Variants in CWC27 observed in about 807,000 individuals in gnomAD.
CWC27 encodes the protein CWC27 spliceosome associated cyclophilin.
In CWC27, 47 loss-of-function variants were observed where a neutral mutation model predicts 63.6. That is an observed-to-expected ratio of 0.74 (90% CI 0.58 to 0.94). CWC27 has a LOEUF of 0.94. Ranked by LOEUF, CWC27 falls within the 40% of genes least tolerant of loss-of-function variation. The pLI, the probability that CWC27 is intolerant of heterozygous loss-of-function variation, is 0.00. For synonymous variants in CWC27, 175 were observed against 179.8 expected (o/e 0.97, Z 0.22); for missense variants, 495 against 554.3 (o/e 0.89, Z 1.07).
chr5:64,834,934 C>T (rs1347206206), intron 10 of CWC27, among the ~76,000 whole-genome samples: 1 of 151,674 alleles, frequency 6.6e-6, no homozygotes, highest in Non-Finnish European at 1.5e-5. Context: ...CTGGGTCCTA[C>T]CGCCAAAACA....
At position 65,004,861 on chromosome 5, in the gene CWC27, CATATAT is replaced by C. The variant is rs1170127729; in HGVS notation, c.1257-13258_1257-13253del. Among the ~76,000 whole-genome samples the C allele has an allele frequency of 7.8e-3, 355 of 45,434 alleles. 7 individuals carry two copies. The highest frequency in any genetic ancestry group is 0.046 in the Admixed American group (115 of 2,490). 29.8% of individuals were successfully genotyped at this position (45,434 alleles called of 152,430 possible). On this transcript the variant is annotated intron_variant, in intron 13 of 13. Coordinates refer to ENST00000381070, the MANE Select transcript of CWC27 (RefSeq NM_005869.4). ...TGGCCTTCAGAGGGAAAGACTTTTTCATATATATATATATATATATATATATATATA... is the reference window on the plus strand; with the variant it reads ...TGGCCTTCAGAGGGAAAGACTTTTTCATATATATATATATATATATATATA...
intron 10 of CWC27, among the ~76,000 whole-genome samples, chr5:64,852,433 G>C (rs959148895): frequency 1.3e-5 from 2 of 151,980 alleles, no homozygotes; most frequent in Non-Finnish European, 2.9e-5. Flanking sequence ...AGGGACAAAA[G>C]AGCCAAACAG....
chr5:64,884,519 C>A (rs1747019813), intron 10 of CWC27, among the ~76,000 whole-genome samples: 1 of 152,208 alleles, frequency 6.6e-6, no homozygotes, highest in Non-Finnish European at 1.5e-5. Context: ...ATTATCTAGA[C>A]TTCAGATTCC....
At chr5:64,944,503 T>A (rs1748549205) in intron 11 of CWC27, among the ~76,000 whole-genome samples, 2 of 152,226 alleles carry the variant, frequency 1.3e-5, no homozygotes, top group South Asian at 4.1e-4. Flanking sequence ...GATTTACATA[T>A]CATCTATTGC....
intron 10 of CWC27, among the ~76,000 whole-genome samples, chr5:64,840,944 G>A (rs1422296597): frequency 6.6e-6 from 1 of 152,174 alleles, no homozygotes; most frequent in Non-Finnish European, 1.5e-5. Flanking sequence ...TGTGAAGGTA[G>A]AAAAGCATGC....
Position 64,939,895 on chromosome 5 carries a change from T to C in CWC27, c.1043-31808T>C, listed in dbSNP as rs1036963729. Reference sequence around the variant, plus strand: ...CTGGGCTCCGCCCAGTACTAACTTCTGGTCGGCTTTGTTTACACTGTGAGG... The same window carrying C: ...CTGGGCTCCGCCCAGTACTAACTTCCGGTCGGCTTTGTTTACACTGTGAGG... On this transcript the variant is annotated intron_variant, in intron 11 of 13. Coordinates refer to ENST00000381070, the MANE Select transcript of CWC27 (RefSeq NM_005869.4). 3.9e-5 allele frequency among the ~76,000 whole-genome samples: 6 copies of C among 152,196 alleles called. No homozygotes were observed. The South Asian group carries it at 8.3e-4, about 21-fold the overall frequency.
In CWC27 at chr5:64,960,013, A is replaced by G. The variant is rs186536997; in HGVS notation, c.1043-11690A>G. ...AATTAAGGAGAATCGAGAAAAAGCCATAAGGGATTCTTCCTAGGTAGAACT... is the reference window on the plus strand; with the variant it reads ...AATTAAGGAGAATCGAGAAAAAGCCGTAAGGGATTCTTCCTAGGTAGAACT... On this transcript the variant is annotated intron_variant, in intron 11 of 13. Transcript: ENST00000381070. 2.5e-3 allele frequency among the ~76,000 whole-genome samples: 375 copies of G among 152,322 alleles called. 3 individuals are homozygous for G. Among genetic ancestry groups the G allele is most frequent in the African/African-American group, 8.6e-3 (358 of 41,592 alleles).
At chr5:64,839,715 A>G (rs1184657129) in intron 10 of CWC27, among the ~76,000 whole-genome samples, 1 of 152,160 alleles carries the variant, frequency 6.6e-6, no homozygotes, top group East Asian at 1.9e-4. Context: ...ATTTTTGAGT[A>G]CTATCTTAAT....
At chr5:64,775,135 G>A (rs1459190) in intron 2 of CWC27, among the ~76,000 whole-genome samples, 89,212 of 151,974 alleles carry the variant, frequency 0.59, 26,958 homozygotes, top group East Asian at 0.86. Context: ...TGTTACTTCA[G>A]TCCAAATGAC....
At position 65,018,373 on chromosome 5, in the gene CWC27, T is replaced by C; in HGVS notation, c.*52T>C. 1.4e-6 allele frequency: 2 copies of C among 1,466,570 alleles called. No individual in the cohort carries two copies. The highest frequency in any genetic ancestry group is 2.5e-4 in the Middle Eastern group (1 of 4,026). 90.8% of individuals were successfully genotyped at this position (1,466,570 alleles called of 1,614,324 possible). ...GCTGGAAATGTGCCTACAATGGCCT[T>C]GTAACAGCCATTGTTCCCAACAGCA... is the stretch of plus-strand genomic sequence containing the variant. On this transcript the variant is annotated 3_prime_UTR_variant, in exon 14 of 14. Transcript: ENST00000381070.
intron 2 of CWC27, among the ~76,000 whole-genome samples, chr5:64,777,383 G>A (rs76744603): frequency 0.015 from 2,289 of 152,092 alleles, 67 homozygotes; most frequent in African/African-American, 0.052. Flanking sequence ...CAGACTGGTC[G>A]CAAGATGAGT....
chr5:64,988,405 T>TGG (rs1398821826), intron 13 of CWC27, among the ~76,000 whole-genome samples: 1 of 152,204 alleles, frequency 6.6e-6, no homozygotes, highest in Non-Finnish European at 1.5e-5. Flanking sequence ...TATGAGTCTC[T>TGG]GGGTCTTATT....
intron 13 of CWC27, among the ~76,000 whole-genome samples, chr5:64,993,967 G>T (rs898395266): frequency 2.2e-4 from 33 of 152,134 alleles, no homozygotes; most frequent in African/African-American, 7.5e-4. Context: ...TGTGAAAGAA[G>T]ATGCATAATT....
intron 11 of CWC27, among the ~76,000 whole-genome samples, chr5:64,967,728 A>G (rs1471660842): frequency 2.0e-5 from 3 of 152,032 alleles, no homozygotes; most frequent in Non-Finnish European, 4.4e-5. Flanking sequence ...ATAGAAAAAA[A>G]ATCTCAACCC....
At chr5:64,967,736 C>A (rs1418890645) in intron 11 of CWC27, among the ~76,000 whole-genome samples, 1 of 151,884 alleles carries the variant, frequency 6.6e-6, no homozygotes, top group Non-Finnish European at 1.5e-5. Context: ...AAAATCTCAA[C>A]CCTTACCTTA....
intron 10 of CWC27, among the ~76,000 whole-genome samples, chr5:64,846,677 C>T (rs1006611791): frequency 6.6e-6 from 1 of 151,866 alleles, no homozygotes; most frequent in Non-Finnish European, 1.5e-5. Flanking sequence ...AATTATTTAC[C>T]AAACATCCAG....
chr5:64,800,141 T>C, intron 7 of CWC27, 107 bp from the exon 8 acceptor site: 1 of 657,344 alleles, frequency 1.5e-6, no homozygotes, highest in Middle Eastern at 3.6e-4. Context: ...ATACATCTTT[T>C]GCTAACCATA....
chr5:64,860,580 A>G (rs911330560), intron 10 of CWC27, among the ~76,000 whole-genome samples: 11 of 152,214 alleles, frequency 7.2e-5, no homozygotes, highest in African/African-American at 2.2e-4. Flanking sequence ...CCTAGTCAAC[A>G]TAAGTAACTC....
intron 11 of CWC27, among the ~76,000 whole-genome samples, chr5:64,912,858 CCA>C (rs1747818862): frequency 6.6e-6 from 1 of 152,036 alleles, no homozygotes; most frequent in Non-Finnish European, 1.5e-5. Context: ...CCAAATAACA[CCA>C]GTCTTACAGA....
Sources: allele counts gnomAD v4.1 joint callset (sites outside exome capture counted in the v4.1 genomes callset), GRCh38; gene constraint gnomAD v4.1.1; transcripts MANE v1.5; gene names NCBI Gene and HGNC (gene_info 2026-07-23, HGNC 2026-07-21).